Variants in DOCK3 observed in about 807,000 individuals in gnomAD.
The protein encoded by DOCK3 is dedicator of cytokinesis protein 3.
Under a neutral mutation model 265.6 loss-of-function variants are expected in DOCK3, and 60 were observed. The ratio of observed to expected loss-of-function variants is 0.23; its 90% CI spans 0.18 to 0.28. DOCK3 has a LOEUF of 0.28. DOCK3 is among the 10% of genes least tolerant of loss of function. The pLI, the probability that DOCK3 is intolerant of heterozygous loss-of-function variation, is 1.00. For missense variants in DOCK3, 1,981 were observed against 2,594.3 expected (o/e 0.76, Z 5.14); for synonymous variants, 881 against 938.0 (o/e 0.94, Z 1.11).
chr3:51,233,754 C>T (rs2078239079), intron 19 of DOCK3, among the ~76,000 whole-genome samples: 1 of 152,134 alleles, frequency 6.6e-6, no homozygotes. Flanking sequence ...TTGTGTATGG[C>T]TACTGTAAAC....
chr3:50,781,712 T>C (rs756865084), intron 2 of DOCK3, among the ~76,000 whole-genome samples: 2 of 152,228 alleles, frequency 1.3e-5, no homozygotes, highest in South Asian at 2.1e-4. Context: ...GTTGTACAGA[T>C]GATCTTGTCA....
chr3:51,307,590 T>G (rs1220488029), intron 27 of DOCK3, among the ~76,000 whole-genome samples: 1 of 152,148 alleles, frequency 6.6e-6, no homozygotes, highest in Non-Finnish European at 1.5e-5. Flanking sequence ...TCACTGTCAT[T>G]GCTCCAGCAC....
At chr3:50,997,388 T>C (rs920565568) in intron 5 of DOCK3, among the ~76,000 whole-genome samples, 22 of 152,286 alleles carry the variant, frequency 1.4e-4, no homozygotes, top group Admixed American at 7.2e-4. Flanking sequence ...GATACTCATA[T>C]AGTGTACAGA....
At chr3:50,859,213 T>G (rs1248710336) in intron 3 of DOCK3, among the ~76,000 whole-genome samples, 6 of 93,924 alleles carry the variant, frequency 6.4e-5, no homozygotes, top group African/African-American at 1.6e-4. Context: ...TGGTATGGTT[T>G]TTTTTTTTTT....
chr3:51,249,346 C>G (rs1284402786), intron 22 of DOCK3, among the ~76,000 whole-genome samples: 5 of 138,964 alleles, frequency 3.6e-5, no homozygotes, highest in Non-Finnish European at 7.9e-5. Flanking sequence ...AGGCCCCGCC[C>G]GGCCAGCCGC....
chr3:51,102,495 A>G (rs192376649), intron 9 of DOCK3, among the ~76,000 whole-genome samples: 11 of 152,344 alleles, frequency 7.2e-5, no homozygotes, highest in African/African-American at 2.4e-4. Context: ...AATGTGCTAA[A>G]TGATGTTTAA....
At chr3:50,994,620 A>C (rs942721412) in intron 5 of DOCK3, among the ~76,000 whole-genome samples, 2 of 152,204 alleles carry the variant, frequency 1.3e-5, no homozygotes, top group Non-Finnish European at 2.9e-5. Flanking sequence ...ACAAAAAATG[A>C]CTTTATTTCT....
chr3:51,067,973 T>C (rs987575070), intron 6 of DOCK3, among the ~76,000 whole-genome samples: 3 of 152,194 alleles, frequency 2.0e-5, no homozygotes, highest in African/African-American at 7.2e-5. Context: ...TCCACCACAC[T>C]TTTATAAATG....
At chr3:50,975,682 T>C (rs1316946985) in intron 5 of DOCK3, among the ~76,000 whole-genome samples, 2 of 152,250 alleles carry the variant, frequency 1.3e-5, no homozygotes, top group African/African-American at 2.4e-5. Context: ...GGATTCCCTC[T>C]TTTCCTATAG....
At chr3:51,169,919 T>C (rs1349974266) in intron 12 of DOCK3, among the ~76,000 whole-genome samples, 1 of 152,212 alleles carries the variant, frequency 6.6e-6, no homozygotes, top group Non-Finnish European at 1.5e-5. Context: ...GCTAGTATTT[T>C]GTTGAGAAGT....
chr3:51,101,137 G>C (rs1239819937), intron 9 of DOCK3, among the ~76,000 whole-genome samples: 2 of 117,806 alleles, frequency 1.7e-5, no homozygotes, highest in African/African-American at 6.7e-5. Flanking sequence ...TTTTTGAGAC[G>C]GAGTCTCACT....
In DOCK3 at chr3:51,065,873, C is replaced by T. The variant is rs188342189; in HGVS notation, c.464+1277C>T. On this transcript the variant is annotated intron_variant, in intron 6 of 52. Coordinates refer to ENST00000266037, the MANE Select transcript of DOCK3 (RefSeq NM_004947.5). Reference sequence around the variant, plus strand: ...CCAGATGTTTGAAGAAAAGCTTCTACAAGACAGAGAGAGACCAAGATTAAC... The same window carrying T: ...CCAGATGTTTGAAGAAAAGCTTCTATAAGACAGAGAGAGACCAAGATTAAC... Among the ~76,000 whole-genome samples, 157 of 152,288 alleles carry T rather than the reference C, an allele frequency of 1.0e-3. 1 individual carries two copies. Among genetic ancestry groups the T allele is most frequent in the Admixed American group, 8.7e-3 (133 of 15,306 alleles).
At chr3:51,127,521 T>C (rs1420883574) in intron 9 of DOCK3, among the ~76,000 whole-genome samples, 2 of 152,206 alleles carry the variant, frequency 1.3e-5, no homozygotes, top group Non-Finnish European at 2.9e-5. Context: ...AAGTTAACAA[T>C]ACTTAAATGC....
intron 5 of DOCK3, among the ~76,000 whole-genome samples, chr3:50,996,962 G>A (rs1278101269): frequency 6.6e-6 from 1 of 152,068 alleles, no homozygotes; most frequent in Non-Finnish European, 1.5e-5. Flanking sequence ...CTGCTATCTC[G>A]ATTGTTCATC....
chr3:51,091,961 T>C (rs1041136808), intron 9 of DOCK3, among the ~76,000 whole-genome samples: 8 of 152,220 alleles, frequency 5.3e-5, no homozygotes, highest in African/African-American at 1.9e-4. Flanking sequence ...CCTGACGAAC[T>C]GTGCACTCTG....
At chr3:51,184,155 AC>A (rs1347001054) in intron 12 of DOCK3, among the ~76,000 whole-genome samples, 3 of 152,032 alleles carry the variant, frequency 2.0e-5, no homozygotes, top group African/African-American at 7.2e-5. Flanking sequence ...ACTAAAAATA[AC>A]AAAAATTAGC....
chr3:51,067,170 T>C (rs115916952), intron 6 of DOCK3, among the ~76,000 whole-genome samples: 6,598 of 152,276 alleles, frequency 0.043, 184 homozygotes, highest in Non-Finnish European at 0.067. Flanking sequence ...AAATGTGTAA[T>C]TCATTATGTT....
intron 7 of DOCK3, among the ~76,000 whole-genome samples, chr3:51,078,301 A>G (rs1398633632): frequency 1.3e-5 from 2 of 152,240 alleles, no homozygotes; most frequent in Non-Finnish European, 2.9e-5. Flanking sequence ...TCTCCCTGAA[A>G]ACAGAACAGC....
Position 51,362,547 on chromosome 3 carries a change from G to C in DOCK3, c.5166G>C (p.Arg1722Ser). The part of the protein sequence containing the change: ...HHMQLAYPNP[R>S]YQGSVTNVSV... Reference sequence around the variant, plus strand: ...TGCAGCTCGCGTATCCCAACCCCAGGTACCAAGGCTCAGTCACCAACGTCT... The same window carrying C: ...TGCAGCTCGCGTATCCCAACCCCAGCTACCAAGGCTCAGTCACCAACGTCT... Residue 1722 changes from arginine (R) to serine (S), a missense_variant, in exon 49 of 53, where the codon AGG becomes AGC. Coordinates refer to ENST00000266037, the MANE Select transcript of DOCK3 (RefSeq NM_004947.5). The C allele has an allele frequency of 1.2e-6, 2 of 1,613,904 alleles. No individual in the cohort carries two copies. Among genetic ancestry groups the C allele is most frequent in the Non-Finnish European group, 1.7e-6 (2 of 1,179,886 alleles).
Sources: allele counts gnomAD v4.1 joint callset (sites outside exome capture counted in the v4.1 genomes callset), GRCh38; gene constraint gnomAD v4.1.1; transcripts MANE v1.5; gene names NCBI Gene and HGNC (gene_info 2026-07-23, HGNC 2026-07-21).